SECISBP2: variants seen among roughly 807,000 people sequenced by gnomAD.
SECISBP2 encodes selenocysteine insertion sequence-binding protein 2.
A neutral mutation model predicts 98.2 loss-of-function variants in SECISBP2; 96 were observed. The observed-to-expected ratio is 0.98, with a 90% CI of 0.83 to 1.16. SECISBP2 has a LOEUF of 1.16. Ranked by LOEUF, SECISBP2 falls within the 50% of genes most tolerant of loss-of-function variation. The pLI is 0.00. For synonymous variants in SECISBP2, 407 were observed against 370.2 expected (o/e 1.10, Z -1.14); for missense variants, 1,046 against 1,022.9 (o/e 1.02, Z -0.31).
chr9:89,325,266 A>C, intron 2 of SECISBP2, 161 bp from the exon 3 acceptor site: 1 of 669,908 alleles, frequency 1.5e-6, no homozygotes, highest in Non-Finnish European at 2.5e-6. Context: ...GTGAGAAAGA[A>C]ACACCCAGAG....
chr9:89,325,446 G>C lies in SECISBP2; in HGVS notation c.202G>C (p.Asp68His), dbSNP rs1208815133. The change falls in exon 3 of 17, where the codon GAC (aspartate) becomes CAC (histidine). Residue 68 changes from aspartate to histidine, a missense_variant. By Grantham distance (81) the Asp-to-His change is moderately conservative. Transcript: ENST00000375807. ...ACTTAGGCAGAAAATATATACTGAA[G>C]ACATGGCCTTTGGAGCTTCAACTTT... Reference protein sequence around the residue: ...PVTEQKIYTEDMAFGASTFPP... With the variant: ...PVTEQKIYTEHMAFGASTFPP... 1 of 1,613,982 alleles carries C rather than the reference G, an allele frequency of 6.2e-7. No homozygotes were observed. The highest frequency in any genetic ancestry group is 1.1e-5 in the South Asian group (1 of 91,078).
At chr9:89,348,354 A>G in intron 12 of SECISBP2, 140 bp downstream of exon 12, 1 of 927,654 alleles carries the variant, frequency 1.1e-6, no homozygotes, top group Non-Finnish European at 1.7e-6. Context: ...TTGAGCTCCC[A>G]GCTTTACAGG....
At chr9:89,363,812 TC>T (rs1833140181), downstream of SECISBP2, 1 of 1,614,072 alleles carries the variant, frequency 6.2e-7, no homozygotes, top group South Asian at 1.1e-5. Flanking sequence ...GCAGCGATAC[TC>T]AGCGCTTTCC....
chr9:89,339,027 T>G (rs1234625949), intron 8 of SECISBP2, among the ~76,000 whole-genome samples: 4 of 152,208 alleles, frequency 2.6e-5, no homozygotes, highest in East Asian at 3.8e-4. Context: ...CAGGAAGATT[T>G]CAGGAATTTC....
In SECISBP2 at chr9:89,329,179, C is replaced by T. The variant is rs568461829; in HGVS notation, c.801+293C>T. The T allele has an allele frequency of 2.4e-4, 84 of 355,924 alleles. 1 individual carries two copies. The highest frequency in any genetic ancestry group is 2.2e-3 in the South Asian group (83 of 37,846). 22.0% of individuals were successfully genotyped at this position (355,924 alleles called of 1,614,324 possible). On this transcript the variant is annotated intron_variant, in intron 5 of 16. Transcript: ENST00000375807. Reference sequence around the variant, plus strand: ...CCAGGCTGCAGTGCAGTGGCACGATCTCAGCTCACTGCAACCTCCGCCTCC... The same window carrying T: ...CCAGGCTGCAGTGCAGTGGCACGATTTCAGCTCACTGCAACCTCCGCCTCC...
chr9:89,329,140 G>A (rs1217413361), intron 5 of SECISBP2: 1 of 445,112 alleles, frequency 2.2e-6, no homozygotes, highest in African/African-American at 2.0e-5. Flanking sequence ...TTGAAACGGA[G>A]TCTCGCTCTG....
rs1256436896 is a variant in SECISBP2, at chr9:89,325,285, T to G, written c.183-142T>G. On this transcript the variant is annotated intron_variant, in intron 2 of 16. Transcript: ENST00000375807. ...GAAAGAAACACCCAGAGATTTTATT[T>G]GGCTTTTAATTAGGGATTATTCCAG... The G allele has an allele frequency of 6.8e-6, 5 of 738,638 alleles. No individual in the cohort carries two copies. In the East Asian group the frequency reaches 1.1e-4, roughly 16 times the overall value. 45.8% of individuals were successfully genotyped at this position (738,638 alleles called of 1,614,324 possible).
intron 7 of SECISBP2, among the ~76,000 whole-genome samples, chr9:89,335,639 C>CT (rs907591904): frequency 3.9e-5 from 6 of 151,984 alleles, no homozygotes; most frequent in African/African-American, 1.2e-4. Flanking sequence ...CCAGGATAGT[C>CT]TTTTTTTAAT....
intron 16 of SECISBP2, among the ~76,000 whole-genome samples, chr9:89,358,394 CAG>C (rs1832427614): frequency 6.6e-6 from 1 of 152,198 alleles, no homozygotes; most frequent in South Asian, 2.1e-4. Context: ...GACTTCAAGT[CAG>C]ATGTCTTTTG....
At chr9:89,348,334 T>C (rs919408035) in intron 12 of SECISBP2, 120 bp downstream of exon 12, 3 of 1,158,488 alleles carry the variant, frequency 2.6e-6, no homozygotes, top group Non-Finnish European at 2.6e-6. Flanking sequence ...GTGGTGAAAG[T>C]GGGTCAGCAT....
chr9:89,366,902 A>C, the SECISBP2 span, among the ~76,000 whole-genome samples: 1 of 152,134 alleles, frequency 6.6e-6, no homozygotes, highest in Non-Finnish European at 1.5e-5. Context: ...TCTCATGACC[A>C]AGCCCTTGAG....
At position 89,348,263 on chromosome 9, in the gene SECISBP2, A is replaced by G. The variant is rs188764612; in HGVS notation, c.1738+49A>G. The G allele has an allele frequency of 2.3e-4, 376 of 1,605,586 alleles. 2 individuals carry two copies. The African/African-American group carries it at 4.5e-3, about 19-fold the overall frequency. On this transcript the variant is annotated intron_variant, in intron 12 of 16. Transcript: ENST00000375807. ...AAGAATAATTTAAACGAGAGCAACT[A>G]TGAAAAGGATGAGCTATGCTGAGCA...
rs961517568 is a variant in SECISBP2 at position 89,351,768 on chromosome 9, G to A, written c.2113+916G>A. ...TTGGTACGGGTCCAGCATCACCGCT[G>A]ACCAGAATATGACAGAAGGGATCTC... On this transcript the variant is annotated intron_variant, in intron 14 of 16. Coordinates refer to ENST00000375807, the MANE Select transcript of SECISBP2 (RefSeq NM_024077.5). 5.9e-5 allele frequency among the ~76,000 whole-genome samples: 9 copies of A among 152,192 alleles called. No individual in the cohort carries two copies. The East Asian group carries it at 1.7e-3, about 29-fold the overall frequency.
intron 10 of SECISBP2, 74 bp from the exon 11 acceptor site, chr9:89,346,808 G>C: frequency 6.3e-7 from 1 of 1,578,458 alleles, no homozygotes; most frequent in Non-Finnish European, 8.7e-7. Context: ...GCAGCCCCTG[G>C]GCGAGCTGCG....
chr9:89,350,034 C>T, intron 13 of SECISBP2, 105 bp downstream of exon 13: 1 of 1,344,918 alleles, frequency 7.4e-7, no homozygotes. Context: ...CCACACTGTG[C>T]TTTAAAAACC....
At chr9:89,332,840 A>T in intron 5 of SECISBP2, 68 bp from the exon 6 acceptor site, 2 of 1,229,592 alleles carry the variant, frequency 1.6e-6, no homozygotes, top group Non-Finnish European at 2.4e-6. Context: ...CTGGATTTTG[A>T]TATGTAGTGT....
At chr9:89,350,493 A>T (rs1391073304) in intron 13 of SECISBP2, 139 bp from the exon 14 acceptor site, 1 of 793,186 alleles carries the variant, frequency 1.3e-6, no homozygotes, top group Non-Finnish European at 2.3e-6. Flanking sequence ...GGAATTCCAC[A>T]GTTCTGGTTA....
intron 4 of SECISBP2, among the ~76,000 whole-genome samples, chr9:89,327,526 C>T (rs1193523463): frequency 6.6e-6 from 1 of 152,112 alleles, no homozygotes; most frequent in African/African-American, 2.4e-5. Flanking sequence ...TCTTTCTTTA[C>T]ATCCTTACTC....
chr9:89,358,422 AAGGAT>A (rs1832430736), intron 16 of SECISBP2, among the ~76,000 whole-genome samples: 1 of 152,084 alleles, frequency 6.6e-6, no homozygotes, highest in South Asian at 2.1e-4. Context: ...GGGTGGCCTT[AAGGAT>A]AGCTGTACCC....
Sources: gnomAD v4.1 joint callset for allele counts (sites outside exome capture counted in the v4.1 genomes callset) on GRCh38, gnomAD v4.1.1 for gene constraint, MANE v1.5 for transcripts, NCBI Gene and HGNC (gene_info 2026-07-23, HGNC 2026-07-21) for gene names.